The following NELL2 variants were observed in gnomAD, a reference collection of about 807,000 sequenced individuals.
NELL2 encodes protein kinase C-binding protein NELL2.
Under a neutral mutation model 109.6 loss-of-function variants are expected in NELL2, and 41 were observed. The ratio of observed to expected loss-of-function variants is 0.37; its 90% CI spans 0.29 to 0.49. The LOEUF (loss-of-function observed/expected upper bound fraction) is 0.49. NELL2 is among the 20% of genes least tolerant of loss of function. The probability of loss-of-function intolerance (pLI) is 0.98; values close to 1 mark genes in which losing one functional copy is unlikely to be tolerated. For synonymous variants in NELL2, 355 were observed against 344.7 expected (o/e 1.03, Z -0.33); for missense variants, 900 against 1,008.3 (o/e 0.89, Z 1.45).
At chr12:44,819,702 T>A (rs1436159833) in intron 2 of NELL2, among the ~76,000 whole-genome samples, 1 of 152,148 alleles carries the variant, frequency 6.6e-6, no homozygotes, top group Non-Finnish European at 1.5e-5. Flanking sequence ...CCACTTACCC[T>A]ATTCAACCTC....
At chr12:44,824,582 C>A (rs1440636127) in intron 2 of NELL2, among the ~76,000 whole-genome samples, 1 of 151,936 alleles carries the variant, frequency 6.6e-6, no homozygotes, top group Non-Finnish European at 1.5e-5. Flanking sequence ...TATTTCTGGG[C>A]TATAACTATT....
chr12:44,679,707 G>C (rs1366084224), intron 12 of NELL2, among the ~76,000 whole-genome samples: 1 of 152,026 alleles, frequency 6.6e-6, no homozygotes, highest in Non-Finnish European at 1.5e-5. Flanking sequence ...TTGCAGTTTA[G>C]TCTACTAACA....
chr12:44,781,934 T>C (rs1941977347), intron 3 of NELL2, among the ~76,000 whole-genome samples: 1 of 151,648 alleles, frequency 6.6e-6, no homozygotes, highest in South Asian at 2.1e-4. Flanking sequence ...AAATATAAAA[T>C]AAAAAGCTTT....
rs191413013 is a variant in NELL2, at chr12:44,636,494, G to T, written c.1445-25524C>A. Among the ~76,000 whole-genome samples, 8 of 152,178 alleles carry T rather than the reference G, an allele frequency of 5.3e-5. No individual in the cohort carries two copies. In the South Asian group the frequency reaches 6.2e-4, roughly 12 times the overall value. On this transcript the variant is annotated intron_variant, in intron 13 of 19. Coordinates refer to ENST00000429094, the MANE Select transcript of NELL2 (RefSeq NM_001145108.2). The stretch of plus-strand genomic sequence containing the variant: ...TTTATTGAGAGTTTTTAGCATAAAG[G>T]GGTGTTAAATTTTATCAAAGGCCTT...
intron 2 of NELL2, among the ~76,000 whole-genome samples, chr12:44,873,028 G>A (rs1382770897): frequency 6.6e-6 from 1 of 152,116 alleles, no homozygotes; most frequent in Non-Finnish European, 1.5e-5. Flanking sequence ...TGGCCAAAGG[G>A]CCACCTTTTG....
chr12:44,833,056 ACTTTTTCC>A (rs964146340), intron 2 of NELL2, among the ~76,000 whole-genome samples: 15 of 152,216 alleles, frequency 9.9e-5, no homozygotes, highest in African/African-American at 3.6e-4. Flanking sequence ...CTTCACACTT[ACTTTTTCC>A]CAATTCCACC....
At chr12:44,791,542 G>C (rs1223522953) in intron 3 of NELL2, among the ~76,000 whole-genome samples, 1 of 151,774 alleles carries the variant, frequency 6.6e-6, no homozygotes, top group Non-Finnish European at 1.5e-5. Flanking sequence ...TTGGACCACA[G>C]TAGTAGTGGT....
Position 44,876,291 on chromosome 12 carries a change from A to G in NELL2, c.-422T>C, listed in dbSNP as rs929387977. Reference sequence around the variant, plus strand: ...ACCCCCCCGTCTTCCCCGCCGCCCGAACCTGTTGTAAAGGCAGAGACAATG... The same window carrying G: ...ACCCCCCCGTCTTCCCCGCCGCCCGGACCTGTTGTAAAGGCAGAGACAATG... On this transcript the variant is annotated 5_prime_UTR_variant, in exon 1 of 20. Coordinates refer to ENST00000429094, the MANE Select transcript of NELL2 (RefSeq NM_001145108.2). The G allele has an allele frequency of 9.5e-6, 11 of 1,162,350 alleles. No homozygotes were observed. The African/African-American group carries it at 1.6e-4, about 17-fold the overall frequency. The allele number at this position is 1,162,350 out of a possible 1,614,324, so 72.0% of individuals were successfully genotyped here.
At chr12:44,515,991 T>G (rs1365114295) in intron 19 of NELL2, among the ~76,000 whole-genome samples, 1 of 151,862 alleles carries the variant, frequency 6.6e-6, no homozygotes, top group Non-Finnish European at 1.5e-5. Context: ...ACATAATATT[T>G]TTTGTTTGTT....
At chr12:44,519,921 A>C in intron 19 of NELL2, 84 bp downstream of exon 19, 1 of 1,176,654 alleles carries the variant, frequency 8.5e-7, no homozygotes, top group Non-Finnish European at 1.2e-6. Flanking sequence ...AAACCTTCCT[A>C]TTGTCCAGGT....
At chr12:44,897,325 C>T (rs368488703) in intron 1 of NELL2, among the ~76,000 whole-genome samples, 10 of 152,102 alleles carry the variant, frequency 6.6e-5, no homozygotes, top group East Asian at 5.8e-4. Flanking sequence ...TGGACTCCCC[C>T]GTAAGATGGC....
rs1193388291 is a variant in NELL2, at chr12:44,711,321, A to G, written c.1160T>C (p.Leu387Ser). The G allele has an allele frequency of 1.9e-6, 3 of 1,612,492 alleles. No homozygotes were observed. The highest frequency in any genetic ancestry group is 1.1e-5 in the South Asian group (1 of 91,068). ...LDCPESHQIT[L>S]SHSCCKVCKG... ...ACAAACTTTGCAACAGCTGTGAGAC[A>G]AGGTTATCTGATGAGACTCTGGACA... Residue 387 changes from leucine (L) to serine (S), a missense_variant, in exon 11 of 20, where the codon TTG becomes TCG. Physicochemically the swap from Leu to Ser is moderately radical, Grantham distance 145. This residue lies in a region of NELL2 where 292 missense variants were observed against 265.3 expected (regional missense o/e 1.10). Coordinates refer to ENST00000429094, the MANE Select transcript of NELL2 (RefSeq NM_001145108.2).
intron 15 of NELL2, among the ~76,000 whole-genome samples, chr12:44,556,950 A>G (rs1943281706): frequency 6.6e-6 from 1 of 152,176 alleles, no homozygotes; most frequent in Admixed American, 6.5e-5. Context: ...TTGGGGCCAG[A>G]TGGTGAAGGG....
At chr12:44,853,923 C>T (rs1440675280) in intron 2 of NELL2, among the ~76,000 whole-genome samples, 3 of 152,158 alleles carry the variant, frequency 2.0e-5, no homozygotes, top group Admixed American at 1.3e-4. Flanking sequence ...AGGAGCATTG[C>T]ATCTCATTGG....
At chr12:44,839,130 CTT>C in intron 2 of NELL2, among the ~76,000 whole-genome samples, 1 of 42,734 alleles carries the variant, frequency 2.3e-5, no homozygotes, top group Non-Finnish European at 6.0e-5. Context: ...CTCATATGAT[CTT>C]TAAAATTCTA....
chr12:44,529,941 T>C (rs1360792064), intron 16 of NELL2, among the ~76,000 whole-genome samples: 1 of 152,226 alleles, frequency 6.6e-6, no homozygotes, highest in African/African-American at 2.4e-5. Flanking sequence ...TTGTTTGCTT[T>C]TGTTTTGTTT....
chr12:44,558,545 C>T (rs145942617), intron 15 of NELL2, among the ~76,000 whole-genome samples: 20 of 152,230 alleles, frequency 1.3e-4, no homozygotes, highest in South Asian at 1.2e-3. Flanking sequence ...GGAGGGGGTG[C>T]GTCACCTCAT....
chr12:44,580,897 T>C (rs1462256988), intron 15 of NELL2, among the ~76,000 whole-genome samples: 1 of 152,164 alleles, frequency 6.6e-6, no homozygotes, highest in Non-Finnish European at 1.5e-5. Flanking sequence ...GATATAGAGC[T>C]TCAGTTTGAA....
Position 44,913,899 on chromosome 12 carries a change from T to C in NELL2, c.-63A>G. ...TTTAGATTGAATAAAGCATCTTCCT[T>C]ATTTCAGTAAATGTTAGATGGATCC... On this transcript the variant is annotated 5_prime_UTR_variant, in exon 1 of 21. Coordinates refer to the NELL2 transcript ENST00000333837. The C allele has an allele frequency of 5.7e-6, 3 of 528,320 alleles. No homozygotes were observed. In the East Asian group the frequency reaches 1.6e-4, roughly 29 times the overall value. 32.7% of individuals were successfully genotyped at this position (528,320 alleles called of 1,614,324 possible).
Sources: allele counts gnomAD v4.1 joint callset (sites outside exome capture counted in the v4.1 genomes callset), GRCh38; gene constraint gnomAD v4.1.1; regional missense constraint gnomAD v4.1.1; transcripts MANE v1.5; gene names NCBI Gene and HGNC (gene_info 2026-07-23, HGNC 2026-07-21).